The following MIGA1 variants were observed in gnomAD, a reference collection of about 807,000 sequenced individuals.
The protein encoded by MIGA1 is mitoguardin 1.
MIGA1 carries 58 observed loss-of-function variants against 82.0 expected under a neutral mutation model. The observed-to-expected ratio is 0.71, with a 90% confidence interval of 0.57 to 0.88. MIGA1 has a LOEUF of 0.88. MIGA1 is among the 40% of genes least tolerant of loss of function. The probability of loss-of-function intolerance (pLI) is 0.00; values close to 1 mark genes in which losing one functional copy is unlikely to be tolerated. For missense variants in MIGA1, 751 were observed against 749.1 expected, an observed-to-expected ratio of 1.00 and a Z score of -0.03; for synonymous variants, 249 against 253.6, an observed-to-expected ratio of 0.98 and a Z score of 0.17.
At chr1:77,846,503 A>G (rs904273171) in intron 8 of MIGA1, among the ~76,000 whole-genome samples, 1 of 151,840 alleles carries the variant, frequency 6.6e-6, no homozygotes, top group African/African-American at 2.4e-5. Context: ...TTATTTAAAA[A>G]AATTTTTTTA....
chr1:77,853,637 C>T (rs1685139631), intron 8 of MIGA1: 3 of 192,032 alleles, frequency 1.6e-5, no homozygotes, highest in Non-Finnish European at 1.1e-5. Context: ...CATGATTGTG[C>T]CACTGCACTA....
chr1:77,844,661 G>T (rs187667047), intron 8 of MIGA1, among the ~76,000 whole-genome samples: 242 of 152,066 alleles, frequency 1.6e-3, no homozygotes, highest in African/African-American at 5.6e-3. Flanking sequence ...ATAATTTTAG[G>T]TGCTCTTTTT....
rs2101663040 is a variant in MIGA1, at chr1:77,779,746, C to CAGGGGCGGGGTGGGGTGGAGAG, written c.81+11_81+32dup. ...TGGCCTGGAGCTCCAGGTACAGGGC[C>CAGGGGCGGGGTGGGGTGGAGAG]AGGGGCGGGGTGGGGTGGAGAGGCG... On this transcript the variant is annotated intron_variant, in intron 1 of 15. Coordinates refer to ENST00000370791, the MANE Select transcript of MIGA1 (RefSeq NM_198549.4). 1 of 1,558,170 alleles carries CAGGGGCGGGGTGGGGTGGAGAG rather than the reference C, an allele frequency of 6.4e-7. No individual in the cohort carries two copies. The highest frequency in any genetic ancestry group is 8.7e-7 in the Non-Finnish European group (1 of 1,151,190).
At chr1:77,839,930 G>A (rs1289784378) in intron 7 of MIGA1, among the ~76,000 whole-genome samples, 1 of 151,730 alleles carries the variant, frequency 6.6e-6, no homozygotes, top group Non-Finnish European at 1.5e-5. Flanking sequence ...ACAGGGTTTT[G>A]TCATATTGCC....
At chr1:77,869,533 C>A (rs1421820336) in intron 14 of MIGA1, among the ~76,000 whole-genome samples, 1 of 136,418 alleles carries the variant, frequency 7.3e-6, no homozygotes, top group Non-Finnish European at 1.6e-5. Flanking sequence ...GCAGAAGCGC[C>A]CCTCACCTCC....
intron 7 of MIGA1, among the ~76,000 whole-genome samples, chr1:77,840,819 T>TA (rs1482100025): frequency 6.6e-6 from 1 of 151,564 alleles, no homozygotes; most frequent in Non-Finnish European, 1.5e-5. Flanking sequence ...TCAAAATAAA[T>TA]AAATAATAAA....
intron 2 of MIGA1, among the ~76,000 whole-genome samples, chr1:77,797,105 CATT>C (rs1446755790): frequency 6.6e-6 from 1 of 152,210 alleles, no homozygotes; most frequent in African/African-American, 2.4e-5. Context: ...AATTCATCCA[CATT>C]GTTGTTTGTC....
intron 8 of MIGA1, among the ~76,000 whole-genome samples, chr1:77,845,282 T>TTA (rs1684793361): frequency 6.6e-6 from 1 of 152,210 alleles, no homozygotes; most frequent in Non-Finnish European, 1.5e-5. Context: ...CCTCTTCCTT[T>TTA]TACTGTTCAT....
At position 77,822,835 on chromosome 1, in the gene MIGA1, GTTTTTTTT is replaced by G. The variant is rs752488187; in HGVS notation, c.895+7620_895+7627del. On this transcript the variant is annotated intron_variant, in intron 7 of 15. Transcript: ENST00000370791. ...CGGACTGTTTAAATCCTTTCAGCAT[GTTTTTTTT>G]TTTTTTTTTTTTTTTCCGAGACAGA... 9.1e-5 allele frequency among the ~76,000 whole-genome samples: 10 copies of G among 109,368 alleles called. No homozygotes were observed. In the South Asian group the frequency reaches 1.5e-3, roughly 16 times the overall value. The allele number at this position is 109,368 out of a possible 152,430, so 71.7% of individuals were successfully genotyped here.
intron 4 of MIGA1, among the ~76,000 whole-genome samples, chr1:77,805,614 C>T (rs1189687003): frequency 2.6e-5 from 4 of 151,112 alleles, no homozygotes; most frequent in Non-Finnish European, 5.9e-5. Flanking sequence ...ACTGCAACCT[C>T]CATCTCCCGG....
At chr1:77,789,713 G>C (rs1682337232) in intron 2 of MIGA1, among the ~76,000 whole-genome samples, 1 of 151,680 alleles carries the variant, frequency 6.6e-6, no homozygotes, top group South Asian at 2.1e-4. Flanking sequence ...GTCTATTCAG[G>C]TTGGTTCCTG....
intron 2 of MIGA1, among the ~76,000 whole-genome samples, chr1:77,794,937 A>G (rs1357392738): frequency 6.6e-6 from 1 of 152,060 alleles, no homozygotes; most frequent in African/African-American, 2.4e-5. Flanking sequence ...TTACTTTAGT[A>G]CTTATTTCTT....
At chr1:77,809,725 T>C (rs1683243141) in intron 5 of MIGA1, among the ~76,000 whole-genome samples, 1 of 151,632 alleles carries the variant, frequency 6.6e-6, no homozygotes, top group African/African-American at 2.4e-5. Flanking sequence ...GAATAGATAG[T>C]GATATAATTG....
At chr1:77,810,834 A>G in intron 5 of MIGA1, 4 of 1,605,790 alleles carry the variant, frequency 2.5e-6, no homozygotes, top group Non-Finnish European at 3.4e-6. Flanking sequence ...TAAAATTCAC[A>G]GAAGTTCCAG....
At chr1:77,811,158 A>C (rs930941089) in intron 5 of MIGA1, 54 of 1,525,394 alleles carry the variant, frequency 3.5e-5, no homozygotes, top group African/African-American at 1.2e-4. Flanking sequence ...TTGAAGCCAC[A>C]GGAGTATCTT....
intron 13 of MIGA1, 69 bp downstream of exon 13, chr1:77,864,097 A>C (rs1685570156): frequency 2.7e-5 from 41 of 1,524,778 alleles, no homozygotes; most frequent in Middle Eastern, 1.9e-4. Context: ...GCAGTAGCTC[A>C]CGCCTGTAAT....
At chr1:77,835,526 A>G (rs1391953723) in intron 7 of MIGA1, among the ~76,000 whole-genome samples, 1 of 152,190 alleles carries the variant, frequency 6.6e-6, no homozygotes, top group Admixed American at 6.5e-5. Context: ...ACAATCAACC[A>G]GTTTGGGGAA....
rs66645153 is a variant in MIGA1, at chr1:77,850,862, CTT to C, written c.996+7465_996+7466del. Among the ~76,000 whole-genome samples the C allele has an allele frequency of 1.0e-4, 15 of 148,726 alleles. No homozygotes were observed. In the East Asian group the frequency reaches 2.6e-3, roughly 25 times the overall value. ...ACTTGTTTGATTTCTTTCTTTCTTT[CTT>C]TTTTTTTTTGTTTTGTTTTTGTGAG... On this transcript the variant is annotated intron_variant, in intron 8 of 15. Coordinates refer to ENST00000370791, the MANE Select transcript of MIGA1 (RefSeq NM_198549.4).
intron 15 of MIGA1, among the ~76,000 whole-genome samples, chr1:77,874,064 T>G (rs942261649): frequency 6.6e-6 from 1 of 152,162 alleles, no homozygotes; most frequent in Non-Finnish European, 1.5e-5. Context: ...ATCCAGTGAA[T>G]CAATGAAGTG....
Sources: allele counts gnomAD v4.1 joint callset (sites outside exome capture counted in the v4.1 genomes callset), GRCh38; gene constraint gnomAD v4.1.1; transcripts MANE v1.5; gene names NCBI Gene and HGNC (gene_info 2026-07-23, HGNC 2026-07-21).